The following CHIC1 variants were observed in gnomAD, a reference collection of about 807,000 sequenced individuals.
CHIC1 encodes cysteine rich hydrophobic domain 1.
Under a neutral mutation model 18.5 loss-of-function variants are expected in CHIC1, and 7 were observed. The ratio of observed to expected loss-of-function variants is 0.38; its 90% CI spans 0.22 to 0.71. CHIC1 has a LOEUF of 0.71. Ranked by LOEUF, CHIC1 falls within the 30% of genes least tolerant of loss-of-function variation. The probability of loss-of-function intolerance (pLI) is 0.49; values close to 1 mark genes in which losing one functional copy is unlikely to be tolerated. For synonymous variants in CHIC1, 77 were observed against 73.5 expected (o/e 1.05, Z -0.25); for missense variants, 159 against 176.9 (o/e 0.90, Z 0.57).
chrX:73,631,951 T>C (rs762269222), intron 3 of CHIC1, among the ~76,000 whole-genome samples: 5 of 112,211 alleles, frequency 4.5e-5, no homozygotes, highest in Non-Finnish European at 7.5e-5. Context: ...TCTGGCCTAA[T>C]GTATGCTCTG....
At chrX:73,675,560 CT>C (rs2058057470) in intron 3 of CHIC1, among the ~76,000 whole-genome samples, 1 of 111,175 alleles carries the variant, frequency 9.0e-6, no homozygotes, top group East Asian at 2.8e-4. Flanking sequence ...CAAACCCTGC[CT>C]TTTTTTGTTT....
chrX:73,635,196 A>G (rs1356897910), intron 3 of CHIC1, among the ~76,000 whole-genome samples: 1 of 112,070 alleles, frequency 8.9e-6, no homozygotes, highest in African/African-American at 3.3e-5. Flanking sequence ...TGGCTTTCAT[A>G]TGATGAATCA....
At chrX:73,596,923 C>T (rs1390132383) in intron 3 of CHIC1, among the ~76,000 whole-genome samples, 1 of 111,873 alleles carries the variant, frequency 8.9e-6, no homozygotes, top group Non-Finnish European at 1.9e-5. Context: ...AACCATAAAA[C>T]CCTAGAAGAA....
intron 3 of CHIC1, among the ~76,000 whole-genome samples, chrX:73,609,237 T>A (rs1224567581): frequency 9.2e-6 from 1 of 108,257 alleles, no homozygotes; most frequent in Non-Finnish European, 1.9e-5. Flanking sequence ...AGTGCTAAAT[T>A]GAATAGAAGC....
intron 3 of CHIC1, among the ~76,000 whole-genome samples, chrX:73,643,144 T>C (rs2057867485): frequency 9.0e-6 from 1 of 111,650 alleles, no homozygotes; most frequent in Non-Finnish European, 1.9e-5. Flanking sequence ...TTTGGCTGGA[T>C]ATGAAATTCT....
intron 1 of CHIC1, among the ~76,000 whole-genome samples, chrX:73,564,791 GTTTTTTT>G (rs370930878): frequency 5.1e-5 from 3 of 58,369 alleles, no homozygotes; most frequent in Non-Finnish European, 5.8e-5. Context: ...AACATGTTGA[GTTTTTTT>G]TTTTTTTTTT....
chrX:73,658,247 G>GATTTTTTTTTTTTT, intron 3 of CHIC1, among the ~76,000 whole-genome samples: 1 of 28,995 alleles, frequency 3.4e-5, no homozygotes, highest in African/African-American at 1.1e-4. Flanking sequence ...CCTGGTCCTA[G>GATTTTTTTTTTTTT]GTTTTTTTTT....
chrX:73,613,095 T>C (rs1313854881), intron 3 of CHIC1, among the ~76,000 whole-genome samples: 1 of 112,385 alleles, frequency 8.9e-6, no homozygotes, highest in Non-Finnish European at 1.9e-5. Context: ...TACTGTTTTT[T>C]CTTAAAGTTT....
intron 3 of CHIC1, among the ~76,000 whole-genome samples, chrX:73,602,084 CA>C (rs2057653717): frequency 9.5e-6 from 1 of 105,816 alleles, no homozygotes. Flanking sequence ...AACAGCTTAC[CA>C]ACTGAAAAAA....
At chrX:73,618,070 G>A (rs946726216) in intron 3 of CHIC1, among the ~76,000 whole-genome samples, 11 of 111,489 alleles carry the variant, frequency 9.9e-5, no homozygotes, top group Admixed American at 6.7e-4. Flanking sequence ...GCCACCCAGC[G>A]GAGCTACCAG....
chrX:73,658,810 C>T (rs1879564293), intron 3 of CHIC1, among the ~76,000 whole-genome samples: 1 of 111,890 alleles, frequency 8.9e-6, no homozygotes, highest in Non-Finnish European at 1.9e-5. Context: ...TAGCTGCATC[C>T]CAGAGATTCT....
chrX:73,676,973 C>A (rs890400259), intron 3 of CHIC1, among the ~76,000 whole-genome samples: 10 of 111,832 alleles, frequency 8.9e-5, no homozygotes, highest in Non-Finnish European at 1.9e-4. Flanking sequence ...AGCTGCAGGT[C>A]TGTTGGAGTT....
At chrX:73,595,664 A>G (rs1208579106) in intron 3 of CHIC1, among the ~76,000 whole-genome samples, 1 of 111,395 alleles carries the variant, frequency 9.0e-6, no homozygotes, top group African/African-American at 3.3e-5. Context: ...TGGTAGAATG[A>G]TTTATAATTC....
intron 1 of CHIC1, among the ~76,000 whole-genome samples, chrX:73,568,449 T>TA (rs1249456440): frequency 9.0e-6 from 1 of 111,636 alleles, no homozygotes; most frequent in Non-Finnish European, 1.9e-5. Flanking sequence ...TATTAACTCT[T>TA]ACAGATTTGA....
chrX:73,606,864 G>T (rs1412775389), intron 3 of CHIC1, among the ~76,000 whole-genome samples: 1 of 109,109 alleles, frequency 9.2e-6, no homozygotes, highest in Non-Finnish European at 1.9e-5. Flanking sequence ...CTTCGTCTCA[G>T]AGGGGCACCT....
chrX:73,642,272 A>G (rs1182355991), intron 3 of CHIC1, among the ~76,000 whole-genome samples: 2 of 111,236 alleles, frequency 1.8e-5, no homozygotes, highest in African/African-American at 6.5e-5. Context: ...ATGGCCAGTG[A>G]TGATGAGCAT....
chrX:73,619,862 C>T (rs2057751516), intron 3 of CHIC1, among the ~76,000 whole-genome samples: 2 of 110,735 alleles, frequency 1.8e-5, no homozygotes, highest in African/African-American at 6.6e-5. Flanking sequence ...CCCCTTTTCC[C>T]CCACCCCCCA....
intron 3 of CHIC1, among the ~76,000 whole-genome samples, chrX:73,586,310 A>T (rs1411806961): frequency 9.0e-6 from 1 of 111,091 alleles, no homozygotes; most frequent in African/African-American, 3.3e-5. Context: ...CTGATTTTGT[A>T]TGTGCCATGT....
chrX:73,587,655 C>T (rs770096261), intron 3 of CHIC1, among the ~76,000 whole-genome samples: 3 of 111,322 alleles, frequency 2.7e-5, no homozygotes, highest in African/African-American at 9.7e-5. Context: ...GAAACAAATG[C>T]CCCATCCATA....
Sources: allele counts gnomAD v4.1 joint callset (sites outside exome capture counted in the v4.1 genomes callset), GRCh38; gene constraint gnomAD v4.1.1; transcripts MANE v1.5; gene names NCBI Gene and HGNC (gene_info 2026-07-23, HGNC 2026-07-21).